SORL1: variants seen among roughly 807,000 people sequenced by gnomAD.
SORL1 encodes sortilin-related receptor.
SORL1 carries 127 observed loss-of-function variants against 273.7 expected under a neutral mutation model. That is an observed-to-expected ratio of 0.46 (90% CI 0.40 to 0.54). The LOEUF is 0.54. Ranked by LOEUF, SORL1 falls within the 20% of genes least tolerant of loss-of-function variation. The probability of loss-of-function intolerance (pLI) is 0.00; values close to 1 mark genes in which losing one functional copy is unlikely to be tolerated. For synonymous variants in SORL1, 1,031 were observed against 1,067.4 expected, an observed-to-expected ratio of 0.97 and a Z score of 0.66; for missense variants, 2,494 against 2,846.1, an observed-to-expected ratio of 0.88 and a Z score of 2.81.
At chr11:121,529,196 C>A (rs576576867) in intron 11 of SORL1, among the ~76,000 whole-genome samples, 17 of 151,906 alleles carry the variant, frequency 1.1e-4, no homozygotes, top group Non-Finnish European at 1.9e-4. Context: ...GTTACTGTAG[C>A]CTTCTTCTGT....
In SORL1 at chr11:121,627,494, G is replaced by A. The variant is rs1863813169; in HGVS notation, c.6365-61G>A. On this transcript the variant is annotated intron_variant, in intron 46 of 47. Coordinates refer to ENST00000260197, the MANE Select transcript of SORL1 (RefSeq NM_003105.6). This position sits in a 1 kb window ranked among gnomAD's most constrained non-coding sequence, Gnocchi z 4.9. ...TTTTTGGTGGGTGGGGCCTTGAGGA[G>A]TCATCTGGTCTGTTCTCCTGCCCTC... is the stretch of plus-strand genomic sequence containing the variant. 2.8e-6 allele frequency: 4 copies of A among 1,410,802 alleles called. No individual in the cohort carries two copies. The highest frequency in any genetic ancestry group is 3.0e-6 in the Non-Finnish European group (3 of 997,848). The allele number at this position is 1,410,802 out of a possible 1,614,324, so 87.4% of individuals were successfully genotyped here. A position where few individuals can be genotyped will look rare whatever the true frequency, so the allele number is the denominator to read the frequency against.
chr11:121,583,046 A>G (rs1002746740), intron 25 of SORL1, among the ~76,000 whole-genome samples: 19 of 152,212 alleles, frequency 1.2e-4, no homozygotes. Context: ...GTGAGAAGGC[A>G]AACTACCAGG....
intron 3 of SORL1, among the ~76,000 whole-genome samples, chr11:121,480,225 G>T (rs1007501096): frequency 6.6e-6 from 1 of 151,984 alleles, no homozygotes; most frequent in African/African-American, 2.4e-5. Flanking sequence ...TTGTTAATTA[G>T]CCAGATTTAA....
At chr11:121,618,306 A>G (rs1591355994) in intron 41 of SORL1, among the ~76,000 whole-genome samples, 1 of 152,250 alleles carries the variant, frequency 6.6e-6, no homozygotes, top group Non-Finnish European at 1.5e-5. Flanking sequence ...CCCTCCCTCC[A>G]CATACTTCCT....
At chr11:121,476,664 G>C (rs1267087096) in intron 2 of SORL1, among the ~76,000 whole-genome samples, 2 of 151,974 alleles carry the variant, frequency 1.3e-5, no homozygotes, top group East Asian at 3.9e-4. Context: ...AATACACCCT[G>C]CTCCACTTTG....
At position 121,629,691 on chromosome 11, in the gene SORL1, CAAAAAAA is replaced by C. The variant is rs566582399; in HGVS notation, c.*136_*142del. Reference sequence around the variant, plus strand: ...TTTTATATGGGCCAAAAACAAAAAACAAAAAAAAAAAAAAGGAAAGAAAGGAATGAAT... The same window carrying C: ...TTTTATATGGGCCAAAAACAAAAAACAAAAAAAGGAAAGAAAGGAATGAAT... On this transcript the variant is annotated 3_prime_UTR_variant, in exon 48 of 48. Coordinates refer to ENST00000260197, the MANE Select transcript of SORL1 (RefSeq NM_003105.6). 2.4e-6 allele frequency: 1 copy of C among 413,610 alleles called. No individual in the cohort carries two copies. The highest frequency in any genetic ancestry group is 4.2e-6 in the Non-Finnish European group (1 of 238,472). 25.6% of individuals were successfully genotyped at this position (413,610 alleles called of 1,614,324 possible). A position where few individuals can be genotyped will look rare whatever the true frequency, so the allele number is the denominator to read the frequency against.
At chr11:121,581,378 TTG>T (rs1312183778) in intron 25 of SORL1, among the ~76,000 whole-genome samples, 2 of 152,242 alleles carry the variant, frequency 1.3e-5, no homozygotes, top group Non-Finnish European at 1.5e-5. Context: ...AAAGATTAAG[TTG>T]TAGGATATTG....
intron 21 of SORL1, 104 bp downstream of exon 21, chr11:121,559,761 G>T (rs1862644130): frequency 1.0e-6 from 1 of 995,302 alleles, no homozygotes; most frequent in Admixed American, 2.4e-5. Flanking sequence ...CTGCATCTTT[G>T]TTGTCACGAC....
chr11:121,601,165 C>T (rs1227768485), intron 32 of SORL1, among the ~76,000 whole-genome samples: 13 of 145,712 alleles, frequency 8.9e-5, no homozygotes, highest in Non-Finnish European at 1.4e-4. Flanking sequence ...TTTGTTCTTG[C>T]GATAGTTTAC....
chr11:121,493,909 T>C (rs574011263), intron 5 of SORL1, among the ~76,000 whole-genome samples: 2 of 152,326 alleles, frequency 1.3e-5, no homozygotes, highest in African/African-American at 4.8e-5. Flanking sequence ...AGATTCTGTT[T>C]ATGTTTCCAC....
At position 121,583,457 on chromosome 11, in the gene SORL1, G is replaced by T. The variant is rs142327874; in HGVS notation, c.3581-1G>T. On this transcript the variant is annotated splice_acceptor_variant, in intron 25 of 47. Transcript: ENST00000260197. LOFTEE classifies it high-confidence loss of function. ...GACTGTGTCTCTCTTCTCTGTTACAGCCATCTATCACACCTGTGAGGCCTC... is the reference window on the plus strand; with the variant it reads ...GACTGTGTCTCTCTTCTCTGTTACATCCATCTATCACACCTGTGAGGCCTC... 6.2e-7 allele frequency: 1 copy of T among 1,610,634 alleles called. No individual in the cohort carries two copies. Among genetic ancestry groups the T allele is most frequent in the Non-Finnish European group, 8.5e-7 (1 of 1,178,390 alleles).
rs915749234 is a variant in SORL1 at position 121,550,785 on chromosome 11, C to T, written c.2266+115C>T. 14 of 761,258 alleles carry T rather than the reference C, an allele frequency of 1.8e-5. No homozygotes were observed. In the Middle Eastern group the frequency reaches 7.2e-4, roughly 39 times the overall value. The allele number at this position is 761,258 out of a possible 1,614,324, so 47.2% of individuals were successfully genotyped here. On this transcript the variant is annotated intron_variant, in intron 16 of 47. Transcript: ENST00000260197. This position sits in a 1 kb window ranked among gnomAD's most constrained non-coding sequence, Gnocchi z 5.3. ...TAATTGAGTGGAGAAAAACAATGGC[C>T]GTCACAAGCATCACAGGGCTTCCTC...
At position 121,596,833 on chromosome 11, in the gene SORL1, T is replaced by G. The variant is rs539870925; in HGVS notation, c.4519+1061T>G. On this transcript the variant is annotated intron_variant, in intron 32 of 47. Transcript: ENST00000260197. The surrounding 1 kb of genome is among the most constrained non-coding windows in gnomAD (Gnocchi z 4.3). ...TTGATCCCTGTTCTGGTCCCATTTTTTTTTTAATCTTAAAATAATGACTTC... is the reference window on the plus strand; with the variant it reads ...TTGATCCCTGTTCTGGTCCCATTTTGTTTTTAATCTTAAAATAATGACTTC... 1.3e-5 allele frequency among the ~76,000 whole-genome samples: 2 copies of G among 152,300 alleles called. No individual in the cohort carries two copies. Among genetic ancestry groups the G allele is most frequent in the African/African-American group, 4.8e-5 (2 of 41,560 alleles).
At chr11:121,456,344 C>A (rs1860905182) in intron 1 of SORL1, among the ~76,000 whole-genome samples, 1 of 152,236 alleles carries the variant, frequency 6.6e-6, no homozygotes, top group South Asian at 2.1e-4. Context: ...GGGCATGGAT[C>A]AAGTTCTCTT....
chr11:121,517,880 A>G (rs1454175662), intron 8 of SORL1, among the ~76,000 whole-genome samples: 1 of 152,252 alleles, frequency 6.6e-6, no homozygotes, highest in Non-Finnish European at 1.5e-5. Context: ...ATAAAGGTGA[A>G]TTAGCACATC....
In SORL1 at chr11:121,452,459, C is replaced by T. The variant is rs772427160; in HGVS notation, c.128C>T (p.Pro43Leu). The T allele has an allele frequency of 1.3e-6, 2 of 1,508,706 alleles. No homozygotes were observed. Among genetic ancestry groups the T allele is most frequent in the African/African-American group, 2.9e-5 (2 of 68,980 alleles). 93.5% of individuals were successfully genotyped at this position (1,508,706 alleles called of 1,614,324 possible). A position where few individuals can be genotyped will look rare whatever the true frequency, so the allele number is the denominator to read the frequency against. Residue 43 changes from proline to leucine, a missense_variant, in exon 1 of 48, where the codon CCC becomes CTC. Physicochemically the swap from Pro to Leu is moderately conservative, Grantham distance 98 (BLOSUM62 -3). Transcript: ENST00000260197. This position sits in a 1 kb window ranked among gnomAD's most constrained non-coding sequence, Gnocchi z 5.3. ...QRLHGGSAPL[P>L]QDRGFLVVQG... Reference sequence around the variant, plus strand: ...CTGCACGGCGGCAGCGCGCCCTTGCCCCAGGACCGGGGCTTCCTCGTGGTG... The same window carrying T: ...CTGCACGGCGGCAGCGCGCCCTTGCTCCAGGACCGGGGCTTCCTCGTGGTG...
chr11:121,503,202 C>A (rs147237516), intron 6 of SORL1, among the ~76,000 whole-genome samples: 3 of 152,150 alleles, frequency 2.0e-5, no homozygotes, highest in Non-Finnish European at 4.4e-5. Context: ...TCAGTTTATC[C>A]ATTTTTTTTT....
chr11:121,595,701 C>G lies in SORL1; in HGVS notation c.4448C>G (p.Thr1483Arg), dbSNP rs138846404. The G allele has an allele frequency of 3.1e-6, 5 of 1,614,070 alleles. No individual in the cohort carries two copies. Among genetic ancestry groups the G allele is most frequent in the Non-Finnish European group, 4.2e-6 (5 of 1,180,004 alleles). ...RFEFECHQPK[T>R]CIPNWKRCDG... ...GAGTTCGAATGCCACCAACCGAAGACGTGTATTCCCAACTGGAAGCGCTGT... is the reference window on the plus strand; with the variant it reads ...GAGTTCGAATGCCACCAACCGAAGAGGTGTATTCCCAACTGGAAGCGCTGT... The change falls in exon 32 of 48, where the codon ACG (threonine) becomes AGG (arginine). Residue 1483 changes from threonine (T) to arginine (R), a missense_variant. Physicochemically the swap from Thr to Arg is moderately conservative, Grantham distance 71. Transcript: ENST00000260197. This position sits in a 1 kb window ranked among gnomAD's most constrained non-coding sequence, Gnocchi z 5.1.
chr11:121,481,976 C>A (rs1157111219), intron 3 of SORL1, among the ~76,000 whole-genome samples: 1 of 151,726 alleles, frequency 6.6e-6, no homozygotes, highest in African/African-American at 2.4e-5. Context: ...TGCACAGATA[C>A]CTATAGGCAG....
Sources: allele counts gnomAD v4.1 joint callset (sites outside exome capture counted in the v4.1 genomes callset), GRCh38; gene constraint gnomAD v4.1.1; non-coding constraint Gnocchi (gnomAD v3.1); transcripts MANE v1.5; gene names NCBI Gene and HGNC (gene_info 2026-07-23, HGNC 2026-07-21).